Variants in SLC35F1 observed in about 807,000 individuals in gnomAD.
SLC35F1 encodes chromosome 6 open reading frame 169.
In SLC35F1, 14 loss-of-function variants were observed where a neutral mutation model predicts 48.7. That is an observed-to-expected ratio of 0.29 (90% CI 0.19 to 0.45). The LOEUF is 0.45. SLC35F1 is among the 20% of genes least tolerant of loss of function. SLC35F1 has a pLI of 1.00. For synonymous variants in SLC35F1, 190 were observed against 202.2 expected, an observed-to-expected ratio of 0.94 and a Z score of 0.51; for missense variants, 404 against 500.0, an observed-to-expected ratio of 0.81 and a Z score of 1.83.
chr6:118,307,484 G>A (rs1379120183), intron 7 of SLC35F1, among the ~76,000 whole-genome samples: 1 of 152,082 alleles, frequency 6.6e-6, no homozygotes, highest in Non-Finnish European at 1.5e-5. Flanking sequence ...AAGAAAAAGA[G>A]GAGAAATAAG....
intron 1 of SLC35F1, among the ~76,000 whole-genome samples, chr6:118,076,775 A>G (rs576246829): frequency 1.2e-4 from 19 of 152,218 alleles, no homozygotes; most frequent in Non-Finnish European, 2.5e-4. Flanking sequence ...TTTACGATAT[A>G]CTGAATGATT....
intron 1 of SLC35F1, among the ~76,000 whole-genome samples, chr6:118,143,992 A>G (rs1465480433): frequency 6.6e-6 from 1 of 152,166 alleles, no homozygotes; most frequent in Non-Finnish European, 1.5e-5. Flanking sequence ...TAGTGATTTA[A>G]AACTTATCTT....
At chr6:118,251,836 C>T (rs1263221536) in intron 3 of SLC35F1, among the ~76,000 whole-genome samples, 1 of 152,074 alleles carries the variant, frequency 6.6e-6, no homozygotes, top group Non-Finnish European at 1.5e-5. Flanking sequence ...CCATGGGCAA[C>T]TAGACATATA....
chr6:118,028,992 G>T (rs1026982774), intron 1 of SLC35F1, among the ~76,000 whole-genome samples: 4 of 151,968 alleles, frequency 2.6e-5, no homozygotes, highest in African/African-American at 9.7e-5. Flanking sequence ...GTAATACAAA[G>T]ATTTATCTTA....
At chr6:118,145,480 T>C (rs547801562) in intron 1 of SLC35F1, among the ~76,000 whole-genome samples, 25 of 152,282 alleles carry the variant, frequency 1.6e-4, no homozygotes, top group African/African-American at 6.0e-4. Context: ...TGTAAGTAAG[T>C]AACACAAAAA....
chr6:118,011,342 G>A (rs1270482679), intron 1 of SLC35F1, among the ~76,000 whole-genome samples: 2 of 152,150 alleles, frequency 1.3e-5, no homozygotes, highest in African/African-American at 2.4e-5. Context: ...AATCATGGAG[G>A]AAGGTGAAGG....
chr6:117,997,879 T>G (rs112300710), intron 1 of SLC35F1, among the ~76,000 whole-genome samples: 1 of 151,904 alleles, frequency 6.6e-6, no homozygotes, highest in Non-Finnish European at 1.5e-5. Context: ...ACGAGCAAAA[T>G]AACCAGCTAA....
intron 1 of SLC35F1, among the ~76,000 whole-genome samples, chr6:117,914,311 C>G (rs1582558567): frequency 2.7e-5 from 4 of 149,398 alleles, no homozygotes. Context: ...GATTATAAGC[C>G]ACCAATTCCT....
chr6:117,987,319 C>T (rs1252271705), intron 1 of SLC35F1, among the ~76,000 whole-genome samples: 1 of 150,542 alleles, frequency 6.6e-6, no homozygotes, highest in Non-Finnish European at 1.5e-5. Context: ...CTTCCTTCTC[C>T]TCTTGTTCTT....
intron 7 of SLC35F1, among the ~76,000 whole-genome samples, chr6:118,309,045 A>G (rs1331738394): frequency 6.6e-6 from 1 of 152,170 alleles, no homozygotes; most frequent in Non-Finnish European, 1.5e-5. Context: ...TGTGTGGTAC[A>G]TGAGAAGCCA....
At chr6:117,916,640 T>A (rs1775829530) in intron 1 of SLC35F1, among the ~76,000 whole-genome samples, 1 of 152,184 alleles carries the variant, frequency 6.6e-6, no homozygotes, top group African/African-American at 2.4e-5. Context: ...CCCTGGAATG[T>A]GAGGCAGGGA....
At chr6:118,136,982 CT>C (rs1220794952) in intron 1 of SLC35F1, among the ~76,000 whole-genome samples, 2 of 152,334 alleles carry the variant, frequency 1.3e-5, no homozygotes, top group East Asian at 3.9e-4. Flanking sequence ...AGCTAGATAA[CT>C]TTCACAGGTT....
intron 1 of SLC35F1, among the ~76,000 whole-genome samples, chr6:117,948,800 C>A (rs1776325279): frequency 6.6e-6 from 1 of 152,036 alleles, no homozygotes; most frequent in Admixed American, 6.6e-5. Flanking sequence ...GAACAAGCAA[C>A]TTCCTGGTAA....
intron 1 of SLC35F1, among the ~76,000 whole-genome samples, chr6:118,001,408 T>A (rs1482852413): frequency 1.3e-5 from 2 of 152,184 alleles, no homozygotes; most frequent in African/African-American, 4.8e-5. Context: ...TGTAGAAAGC[T>A]GAAACTGGAT....
chr6:118,285,108 CCTT>C (rs1022863063), intron 6 of SLC35F1, 73 bp from the exon 7 acceptor site: 2 of 1,529,918 alleles, frequency 1.3e-6, no homozygotes, highest in Non-Finnish European at 9.0e-7. Context: ...GCACTCTTCC[CCTT>C]CTTTCCTGCT....
At chr6:118,265,450 A>G (rs1244226904) in intron 3 of SLC35F1, among the ~76,000 whole-genome samples, 1 of 152,198 alleles carries the variant, frequency 6.6e-6, no homozygotes, top group African/African-American at 2.4e-5. Flanking sequence ...AAAAGCATCA[A>G]ACAGGACTCG....
chr6:118,121,989 C>A (rs868055808), intron 1 of SLC35F1, among the ~76,000 whole-genome samples: 1 of 151,804 alleles, frequency 6.6e-6, no homozygotes, highest in Non-Finnish European at 1.5e-5. Flanking sequence ...GGAGAGATTT[C>A]CCCCCATTTC....
chr6:118,014,215 C>T (rs1777289714), intron 1 of SLC35F1, among the ~76,000 whole-genome samples: 1 of 152,164 alleles, frequency 6.6e-6, no homozygotes, highest in Admixed American at 6.5e-5. Flanking sequence ...ACACCCAGCA[C>T]ATAGTGAACA....
At chr6:117,911,157 C>T (rs1008577997) in intron 1 of SLC35F1, among the ~76,000 whole-genome samples, 5 of 152,040 alleles carry the variant, frequency 3.3e-5, no homozygotes, top group African/African-American at 1.2e-4. Context: ...TAATTATATT[C>T]AAGACTTGGT....
Sources: gnomAD v4.1 joint callset for allele counts (sites outside exome capture counted in the v4.1 genomes callset) on GRCh38, gnomAD v4.1.1 for gene constraint, MANE v1.5 for transcripts, NCBI Gene and HGNC (gene_info 2026-07-23, HGNC 2026-07-21) for gene names.